Variants in ARHGAP18 observed in about 807,000 individuals in gnomAD.
ARHGAP18 encodes Rho GTPase activating protein 18.
A neutral mutation model predicts 86.2 loss-of-function variants in ARHGAP18; 67 were observed. The observed-to-expected ratio is 0.78, with a 90% CI of 0.64 to 0.95. The LOEUF (loss-of-function observed/expected upper bound fraction) is 0.95. Among genes scored for constraint, ARHGAP18 ranks in the 40% least tolerant of loss-of-function variants. ARHGAP18 has a pLI of 0.00. For missense variants in ARHGAP18, 691 were observed against 780.4 expected, an observed-to-expected ratio of 0.89 and a Z score of 1.37; for synonymous variants, 283 against 280.4, an observed-to-expected ratio of 1.01 and a Z score of -0.09.
rs1316393154 is a variant in ARHGAP18, at chr6:129,638,307, GT to G, written c.552+86del. 1.3e-5 allele frequency: 17 copies of G among 1,321,028 alleles called. No individual in the cohort carries two copies. In the African/African-American group the frequency reaches 2.1e-4, roughly 16 times the overall value. 81.8% of individuals were successfully genotyped at this position (1,321,028 alleles called of 1,614,324 possible). ...CTGGCATAGAATAGGTGATCATTAC[GT>G]TTTTAATCATTTGAATTAAACCAGA... On this transcript the variant is annotated intron_variant, in intron 3 of 14. Coordinates refer to ENST00000368149, the MANE Select transcript of ARHGAP18 (RefSeq NM_033515.3).
chr6:129,602,208 T>C (rs1407212411), intron 10 of ARHGAP18, among the ~76,000 whole-genome samples: 1 of 152,178 alleles, frequency 6.6e-6, no homozygotes, highest in East Asian at 1.9e-4. Flanking sequence ...TGAAGCACGA[T>C]AGAGATTACT....
intron 14 of ARHGAP18, among the ~76,000 whole-genome samples, chr6:129,579,671 T>C (rs1435751874): frequency 6.6e-6 from 1 of 152,210 alleles, no homozygotes; most frequent in East Asian, 1.9e-4. Flanking sequence ...ATGGCAAAAG[T>C]AAATCTGCTT....
At chr6:129,584,717 G>A (rs1007286460) in intron 12 of ARHGAP18, among the ~76,000 whole-genome samples, 1 of 152,190 alleles carries the variant, frequency 6.6e-6, no homozygotes, top group Non-Finnish European at 1.5e-5. Context: ...GAAAGTTTAT[G>A]AGGTTTGTAA....
chr6:129,632,233 T>C (rs2114490423), intron 4 of ARHGAP18, among the ~76,000 whole-genome samples: 1 of 152,352 alleles, frequency 6.6e-6, no homozygotes, highest in South Asian at 2.1e-4. Flanking sequence ...TAGGGAATAC[T>C]CAGTGACTTG....
intron 5 of ARHGAP18, among the ~76,000 whole-genome samples, chr6:129,628,260 AAG>A (rs1254369534): frequency 1.3e-5 from 2 of 152,178 alleles, no homozygotes; most frequent in African/African-American, 2.4e-5. Flanking sequence ...GAAAATTACA[AAG>A]AGAGCCTGGA....
Position 129,618,815 on chromosome 6 carries a change from C to T in ARHGAP18, c.824G>A (p.Arg275Lys). ...RLPKDKTGTT[R>K]IGDLAPQDMK... ...GTCCTGGGGTGCGAGGTCACCAATC[C>T]TTGTGGTACCCGTTTTGTCTTTTGG... Residue 275 changes from arginine (R) to lysine (K), a missense_variant, in exon 6 of 15, where the codon AGG becomes AAG. By Grantham distance (26) the Arg-to-Lys change is conservative. Coordinates refer to ENST00000368149, the MANE Select transcript of ARHGAP18 (RefSeq NM_033515.3). 6.2e-7 allele frequency: 1 copy of T among 1,612,964 alleles called. No individual in the cohort carries two copies.
chr6:129,680,644 A>C (rs900262513), intron 1 of ARHGAP18, among the ~76,000 whole-genome samples: 22 of 152,242 alleles, frequency 1.4e-4, no homozygotes, highest in African/African-American at 5.1e-4. Flanking sequence ...CTTTAGGATC[A>C]GAGGTAAATC....
intron 1 of ARHGAP18, among the ~76,000 whole-genome samples, chr6:129,697,183 G>T (rs1305471303): frequency 2.0e-5 from 3 of 152,174 alleles, no homozygotes; most frequent in African/African-American, 4.8e-5. Flanking sequence ...GAGGAGAAAT[G>T]CAGGAGATAA....
At chr6:129,647,634 A>T (rs1479800083) in intron 1 of ARHGAP18, among the ~76,000 whole-genome samples, 1 of 152,138 alleles carries the variant, frequency 6.6e-6, no homozygotes, top group Non-Finnish European at 1.5e-5. Flanking sequence ...CAGAAGAATA[A>T]AATTTATTTT....
intron 2 of ARHGAP18, among the ~76,000 whole-genome samples, chr6:129,640,240 A>G (rs1197687104): frequency 6.6e-6 from 1 of 152,196 alleles, no homozygotes; most frequent in Non-Finnish European, 1.5e-5. Context: ...TAAACAATTT[A>G]AAGTCTAAGA....
intron 1 of ARHGAP18, among the ~76,000 whole-genome samples, chr6:129,702,276 A>G (rs1774724631): frequency 6.6e-6 from 1 of 152,184 alleles, no homozygotes; most frequent in African/African-American, 2.4e-5. Flanking sequence ...AGCAACAAAC[A>G]TGGAAGTCAA....
At chr6:129,607,532 G>A (rs759689079) in intron 9 of ARHGAP18, among the ~76,000 whole-genome samples, 1 of 152,150 alleles carries the variant, frequency 6.6e-6, no homozygotes, top group Admixed American at 6.6e-5. Context: ...AGCTTCTCCA[G>A]TAAGTGTTGC....
At chr6:129,659,534 C>A (rs2114517579) in intron 1 of ARHGAP18, among the ~76,000 whole-genome samples, 2 of 152,270 alleles carry the variant, frequency 1.3e-5, no homozygotes, top group South Asian at 4.1e-4. Flanking sequence ...ATGACACAAT[C>A]TCGGCTTACT....
Position 129,667,806 on chromosome 6 carries a change from G to A in ARHGAP18, c.114-25788C>T, listed in dbSNP as rs79331849. Among the ~76,000 whole-genome samples the A allele has an allele frequency of 1.2e-3, 188 of 152,188 alleles. 1 individual carries two copies. Among genetic ancestry groups the A allele is most frequent in the Admixed American group, 6.1e-3 (94 of 15,288 alleles). On this transcript the variant is annotated intron_variant, in intron 1 of 14. Transcript: ENST00000368149. ...TGCCTGGGCTCTTGGCCAAGAGGAG[G>A]AAGGTTACTGAGCATTTAGAAATAT...
At chr6:129,683,656 T>C (rs959347029) in intron 1 of ARHGAP18, among the ~76,000 whole-genome samples, 2 of 152,128 alleles carry the variant, frequency 1.3e-5, no homozygotes, top group Admixed American at 6.5e-5. Flanking sequence ...AAAAATGTAA[T>C]GGAAAATAGA....
chr6:129,702,324 G>A (rs570527558), intron 1 of ARHGAP18, among the ~76,000 whole-genome samples: 23 of 152,200 alleles, frequency 1.5e-4, no homozygotes, highest in African/African-American at 3.6e-4. Context: ...CATCCCTTCC[G>A]TTCCTCCTGC....
intron 1 of ARHGAP18, among the ~76,000 whole-genome samples, chr6:129,648,353 A>G (rs1453590243): frequency 6.6e-6 from 1 of 151,926 alleles, no homozygotes; most frequent in African/African-American, 2.4e-5. Flanking sequence ...TTGTAGAGAC[A>G]GAGTCTCCTT....
intron 5 of ARHGAP18, among the ~76,000 whole-genome samples, chr6:129,625,005 TTTATATA>T (rs1403047527): frequency 8.4e-4 from 64 of 76,636 alleles, no homozygotes; most frequent in South Asian, 2.8e-3. Flanking sequence ...ATGATATATA[TTTATATA>T]ATATATATGA....
chr6:129,654,201 A>G (rs959418003), intron 1 of ARHGAP18, among the ~76,000 whole-genome samples: 1 of 152,212 alleles, frequency 6.6e-6, no homozygotes, highest in African/African-American at 2.4e-5. Context: ...TGGGAACCTG[A>G]AAAAGGTGAG....
Sources: gnomAD v4.1 joint callset for allele counts (sites outside exome capture counted in the v4.1 genomes callset) on GRCh38, gnomAD v4.1.1 for gene constraint, MANE v1.5 for transcripts, NCBI Gene and HGNC (gene_info 2026-07-23, HGNC 2026-07-21) for gene names.